SCFD2: variants seen among roughly 807,000 people sequenced by gnomAD.
SCFD2 encodes sec1 family domain-containing protein 2.
A neutral mutation model predicts 58.9 loss-of-function variants in SCFD2; 54 were observed. That is an observed-to-expected ratio of 0.92 (90% CI 0.74 to 1.15). SCFD2 has a LOEUF of 1.15. Among genes scored for constraint, SCFD2 ranks in the 50% most tolerant of loss-of-function variants. The pLI is 0.00. For synonymous variants in SCFD2, 321 were observed against 335.9 expected (o/e 0.96, Z 0.49); for missense variants, 805 against 836.6 (o/e 0.96, Z 0.47).
intron 4 of SCFD2, among the ~76,000 whole-genome samples, chr4:53,207,582 ATATAAT>A (rs1189271971): frequency 0.013 from 4 of 312 alleles, no homozygotes; most frequent in Non-Finnish European, 0.033. Flanking sequence ...ATTTATATAT[ATATAAT>A]ATATATATAA....
intron 4 of SCFD2, among the ~76,000 whole-genome samples, chr4:53,180,718 T>C (rs562635697): frequency 4.3e-4 from 65 of 152,052 alleles, no homozygotes; most frequent in African/African-American, 1.6e-3. Flanking sequence ...CAGGAGCTGG[T>C]TTTTTGAAAA....
chr4:53,012,566 G>T (rs1299511095), intron 5 of SCFD2, among the ~76,000 whole-genome samples: 2 of 152,072 alleles, frequency 1.3e-5, no homozygotes, highest in African/African-American at 4.8e-5. Flanking sequence ...ATTCAAAAAA[G>T]AATATTCTTT....
At chr4:53,297,141 A>C (rs1384400055) in intron 3 of SCFD2, among the ~76,000 whole-genome samples, 1 of 152,184 alleles carries the variant, frequency 6.6e-6, no homozygotes, top group Non-Finnish European at 1.5e-5. Context: ...AGTTCTGCAG[A>C]TGTCTATTAG....
chr4:53,322,610 T>C (rs1184209204), intron 2 of SCFD2, among the ~76,000 whole-genome samples: 2 of 152,204 alleles, frequency 1.3e-5, no homozygotes, highest in Admixed American at 6.5e-5. Context: ...TAGAAAACAG[T>C]AAAGCATAAG....
intron 3 of SCFD2, among the ~76,000 whole-genome samples, chr4:53,289,494 A>G (rs1731771571): frequency 6.6e-6 from 1 of 152,214 alleles, no homozygotes; most frequent in South Asian, 2.1e-4. Context: ...TGAGAAAAAG[A>G]AAAGGAATCA....
intron 4 of SCFD2, among the ~76,000 whole-genome samples, chr4:53,179,798 G>A (rs1394221104): frequency 6.6e-6 from 1 of 152,166 alleles, no homozygotes; most frequent in Non-Finnish European, 1.5e-5. Flanking sequence ...ATAAAGGAGT[G>A]GAGGAAGACC....
At chr4:52,956,861 AGCCTCTGCAGTATGGTGGGAGCT>A (rs1236599011) in intron 5 of SCFD2, 1 of 152,514 alleles carries the variant, frequency 6.6e-6, no homozygotes, top group Non-Finnish European at 1.5e-5. Flanking sequence ...TGGGCCCCCA[AGCCTCTGCAGTATGGTGGGAGCT>A]GCCCCGGGTG....
chr4:53,239,521 G>A (rs1182507501), intron 4 of SCFD2, among the ~76,000 whole-genome samples: 1 of 152,162 alleles, frequency 6.6e-6, no homozygotes, highest in Non-Finnish European at 1.5e-5. Flanking sequence ...TTTCGCTCTT[G>A]TTGCCCAAGC....
chr4:53,096,818 G>T (rs1405731250), intron 5 of SCFD2, among the ~76,000 whole-genome samples: 1 of 152,122 alleles, frequency 6.6e-6, no homozygotes, highest in Non-Finnish European at 1.5e-5. Flanking sequence ...GTACTGCCTA[G>T]GTTTTCTTCT....
At chr4:53,259,527 G>A (rs759587861) in intron 4 of SCFD2, among the ~76,000 whole-genome samples, 1 of 152,024 alleles carries the variant, frequency 6.6e-6, no homozygotes, top group Non-Finnish European at 1.5e-5. Flanking sequence ...TCAGTTGGCT[G>A]TTAAGTATTT....
At chr4:53,351,611 T>C (rs1245609022) in intron 2 of SCFD2, among the ~76,000 whole-genome samples, 7 of 152,200 alleles carry the variant, frequency 4.6e-5, no homozygotes, top group African/African-American at 1.7e-4. Flanking sequence ...CTCTGAACAG[T>C]TAAATGTGTT....
chr4:53,016,331 T>C (rs1360500526), intron 5 of SCFD2, among the ~76,000 whole-genome samples: 1 of 152,230 alleles, frequency 6.6e-6, no homozygotes, highest in Non-Finnish European at 1.5e-5. Flanking sequence ...TTTGTAATAT[T>C]ACAATCAGTA....
rs115241212 is a variant in SCFD2, at chr4:53,113,216, T to G, written c.1561+32117A>C. Among the ~76,000 whole-genome samples, 1,384 of 152,178 alleles carry G rather than the reference T, an allele frequency of 9.1e-3. 28 individuals carry two copies. Among genetic ancestry groups the G allele is most frequent in the African/African-American group, 0.031 (1,303 of 41,538 alleles). Reference sequence around the variant, plus strand: ...AGATCTTAGTGCCACTCCTCAAATATTTCTGGTTTTCTTCTTTCAGACACG... The same window carrying G: ...AGATCTTAGTGCCACTCCTCAAATAGTTCTGGTTTTCTTCTTTCAGACACG... On this transcript the variant is annotated intron_variant, in intron 5 of 8. Transcript: ENST00000401642.
chr4:53,353,221 G>A (rs981112353), intron 1 of SCFD2, among the ~76,000 whole-genome samples: 6 of 151,842 alleles, frequency 4.0e-5, no homozygotes, highest in Admixed American at 2.6e-4. Context: ...AGACCTTCGC[G>A]GTGAGTGTTA....
intron 5 of SCFD2, among the ~76,000 whole-genome samples, chr4:53,131,360 G>A (rs1460509466): frequency 6.6e-6 from 1 of 152,174 alleles, no homozygotes; most frequent in East Asian, 1.9e-4. Context: ...GAGATAAAGA[G>A]GCATCTTTAG....
chr4:53,287,127 C>T (rs1354863372), intron 3 of SCFD2, among the ~76,000 whole-genome samples: 1 of 152,146 alleles, frequency 6.6e-6, no homozygotes, highest in African/African-American at 2.4e-5. Flanking sequence ...TAGGGAGTGC[C>T]TCACACTCAC....
At chr4:53,026,590 G>C (rs965832288) in intron 5 of SCFD2, among the ~76,000 whole-genome samples, 10 of 152,228 alleles carry the variant, frequency 6.6e-5, no homozygotes, top group African/African-American at 2.2e-4. Flanking sequence ...AATCTTGCCA[G>C]CTAGGGACAT....
At chr4:53,237,932 G>A (rs1374549652) in intron 4 of SCFD2, among the ~76,000 whole-genome samples, 4 of 122,814 alleles carry the variant, frequency 3.3e-5, no homozygotes, top group African/African-American at 9.4e-5. Context: ...CCTTCCGGAC[G>A]GGGCGGCTGG....
At chr4:53,170,972 TC>T (rs967968010) in intron 4 of SCFD2, among the ~76,000 whole-genome samples, 4 of 152,222 alleles carry the variant, frequency 2.6e-5, no homozygotes, top group African/African-American at 9.6e-5. Context: ...TCATCAACAA[TC>T]AGTGACAATT....
Sources: gnomAD v4.1 joint callset for allele counts (sites outside exome capture counted in the v4.1 genomes callset) on GRCh38, gnomAD v4.1.1 for gene constraint, MANE v1.5 for transcripts, NCBI Gene and HGNC (gene_info 2026-07-23, HGNC 2026-07-21) for gene names.